Variants in TRPC6 observed in about 807,000 individuals in gnomAD.
The protein encoded by TRPC6 is short transient receptor potential channel 6.
A neutral mutation model predicts 90.7 loss-of-function variants in TRPC6; 55 were observed. The observed-to-expected ratio is 0.61, with a 90% CI of 0.49 to 0.76. The LOEUF (loss-of-function observed/expected upper bound fraction) is 0.76, where lower values mean the gene tolerates loss of function less well. Ranked by LOEUF, TRPC6 falls within the 30% of genes least tolerant of loss-of-function variation. The pLI is 0.00. For synonymous variants in TRPC6, 393 were observed against 393.0 expected, an observed-to-expected ratio of 1.00 and a Z score of 0.00; for missense variants, 989 against 1,122.7, an observed-to-expected ratio of 0.88 and a Z score of 1.70.
chr11:101,534,356 G>T (rs957142272), intron 1 of TRPC6, among the ~76,000 whole-genome samples: 1 of 152,044 alleles, frequency 6.6e-6, no homozygotes, highest in African/African-American at 2.4e-5. Flanking sequence ...GGCTGGTCTC[G>T]AACTCCTGAC....
rs1377005408 is a variant in TRPC6, at chr11:101,482,833, T to C, written c.1510+116A>G. ...GGAACACAAAGAAAATTATGATGTG[T>C]GGTGCACTGTATCATGCTGCATACA... On this transcript the variant is annotated intron_variant, in intron 5 of 12. Transcript: ENST00000344327. 8 of 1,073,472 alleles carry C rather than the reference T, an allele frequency of 7.5e-6. No homozygotes were observed. The East Asian group carries it at 1.9e-4, about 26-fold the overall frequency. The allele number at this position is 1,073,472 out of a possible 1,614,324, so 66.5% of individuals were successfully genotyped here.
intron 1 of TRPC6, among the ~76,000 whole-genome samples, chr11:101,540,087 T>A (rs1195086671): frequency 6.6e-6 from 1 of 152,190 alleles, no homozygotes; most frequent in Non-Finnish European, 1.5e-5. Flanking sequence ...TATTCAAAAG[T>A]TCTTTAGCTT....
At chr11:101,491,505 A>T in intron 3 of TRPC6, 51 bp downstream of exon 3, 1 of 1,597,296 alleles carries the variant, frequency 6.3e-7, no homozygotes, top group Non-Finnish European at 8.6e-7. Context: ...ATCCTTATTT[A>T]GCACCAACAA....
chr11:101,535,175 A>AAAGG (rs199866910), intron 1 of TRPC6, among the ~76,000 whole-genome samples: 2,096 of 129,438 alleles, frequency 0.016, 49 homozygotes, highest in East Asian at 0.044. Flanking sequence ...GAAAGAAAAG[A>AAAGG]AAGGAAGGAA....
chr11:101,483,010 C>T lies in TRPC6; in HGVS notation c.1449G>A (p.Leu483=). ...AGAAGCAGGATGTTTTCATCCTGAA[C>T]AGCTGTTTTGCATTATCTGTGCTGG... ...NETSTDNAKQ[L]FRMKTSCFSW... Residue 483 remains leucine (L), a synonymous_variant, in exon 5 of 13, where the codon CTG becomes CTA. Coordinates refer to ENST00000344327, the MANE Select transcript of TRPC6 (RefSeq NM_004621.6). The T allele has an allele frequency of 1.2e-6, 2 of 1,614,038 alleles. No individual in the cohort carries two copies. The highest frequency in any genetic ancestry group is 1.7e-6 in the Non-Finnish European group (2 of 1,179,928).
chr11:101,490,239 A>G lies in TRPC6; in HGVS notation c.1129-1138T>C, dbSNP rs560800979. On this transcript the variant is annotated intron_variant, in intron 3 of 12. Transcript: ENST00000344327. ...ATTATGTGAATATAATGAAGTAACA[A>G]TGCAACCTTTAAAAAGATAAAGTGG... 7.2e-5 allele frequency among the ~76,000 whole-genome samples: 11 copies of G among 152,330 alleles called. No homozygotes were observed. In the South Asian group the frequency reaches 2.3e-3, roughly 32 times the overall value.
chr11:101,541,326 C>T (rs1395814693), intron 1 of TRPC6, among the ~76,000 whole-genome samples: 1 of 152,082 alleles, frequency 6.6e-6, no homozygotes, highest in Non-Finnish European at 1.5e-5. Context: ...AGTTATGATG[C>T]TTTAAACAAA....
chr11:101,507,982 T>C (rs1038293965), intron 1 of TRPC6, among the ~76,000 whole-genome samples: 1 of 152,054 alleles, frequency 6.6e-6, no homozygotes, highest in African/African-American at 2.4e-5. Context: ...TTATGTTCAA[T>C]ATTATTTATT....
At position 101,583,380 on chromosome 11, in the gene TRPC6, C is replaced by T. The variant is rs759107251; in HGVS notation, c.124G>A (p.Gly42Ser). 9 of 1,593,346 alleles carry T rather than the reference C, an allele frequency of 5.6e-6. No individual in the cohort carries two copies. The highest frequency in any genetic ancestry group is 1.3e-5 in the African/African-American group (1 of 74,356). ...LLMDSELGED[G>S]CPQAPLPCYG... The stretch of plus-strand genomic sequence containing the variant: ...CAAGGCAGCGGGGCTTGCGGGCAGC[C>T]GTCTTCTCCCAGCTCCGAGTCCATG... The change falls in exon 1 of 13, where the codon GGC (glycine) becomes AGC (serine). Residue 42 changes from glycine to serine, a missense_variant. Gly to Ser is a moderately conservative substitution (Grantham distance 56). This residue lies in a region of TRPC6 where 194 missense variants were observed against 136.5 expected (regional missense o/e 1.42). Transcript: ENST00000344327.
intron 1 of TRPC6, among the ~76,000 whole-genome samples, chr11:101,536,417 A>T (rs112490409): frequency 0.016 from 2,368 of 151,204 alleles, 27 homozygotes; most frequent in African/African-American, 0.054. Context: ...ACCAAAAAAA[A>T]AGAAAGAAAA....
chr11:101,518,870 G>C (rs1860582482), intron 1 of TRPC6, among the ~76,000 whole-genome samples: 1 of 152,200 alleles, frequency 6.6e-6, no homozygotes, highest in Non-Finnish European at 1.5e-5. Flanking sequence ...AAAAAAGAAT[G>C]AGATCCAGGC....
chr11:101,559,047 C>T (rs149651562), intron 1 of TRPC6, among the ~76,000 whole-genome samples: 1 of 152,040 alleles, frequency 6.6e-6, no homozygotes, highest in East Asian at 1.9e-4. Context: ...AAAGCTTCTG[C>T]ACAGCAAAAG....
chr11:101,513,803 AG>A (rs1189249188), intron 1 of TRPC6, among the ~76,000 whole-genome samples: 2 of 152,136 alleles, frequency 1.3e-5, no homozygotes, highest in African/African-American at 4.8e-5. Flanking sequence ...TCTTATGTGG[AG>A]GGGGAGAACA....
chr11:101,533,011 G>C (rs1430756205), intron 1 of TRPC6, among the ~76,000 whole-genome samples: 1 of 152,122 alleles, frequency 6.6e-6, no homozygotes, highest in African/African-American at 2.4e-5. Context: ...ACATTCAACA[G>C]TGCCATGGTG....
At position 101,452,620 on chromosome 11, in the gene TRPC6, T is replaced by A. The variant is rs2136634196; in HGVS notation, c.*335A>T. The A allele has an allele frequency of 3.9e-6, 1 of 259,404 alleles. No individual in the cohort carries two copies. The highest frequency in any genetic ancestry group is 4.9e-5 in the Admixed American group (1 of 20,234). 16.1% of individuals were successfully genotyped at this position (259,404 alleles called of 1,614,324 possible). On this transcript the variant is annotated 3_prime_UTR_variant, in exon 13 of 13. Coordinates refer to ENST00000344327, the MANE Select transcript of TRPC6 (RefSeq NM_004621.6). The stretch of plus-strand genomic sequence containing the variant: ...AGGAAAAACCGCATGGGGAGTAACG[T>A]GGGTCAGCCCCTGTCCGCTGGGACC...
intron 1 of TRPC6, among the ~76,000 whole-genome samples, chr11:101,530,984 T>C (rs1350851230): frequency 6.6e-6 from 1 of 152,128 alleles, no homozygotes; most frequent in African/African-American, 2.4e-5. Flanking sequence ...GGGTACAAAC[T>C]TTCAGTTTGG....
At chr11:101,481,080 A>C (rs1018522478) in intron 5 of TRPC6, among the ~76,000 whole-genome samples, 15 of 152,226 alleles carry the variant, frequency 9.9e-5, no homozygotes, top group African/African-American at 3.6e-4. Flanking sequence ...TACTGAATTA[A>C]ATTTAAAATA....
At chr11:101,547,588 A>G (rs939485328) in intron 1 of TRPC6, among the ~76,000 whole-genome samples, 1 of 152,172 alleles carries the variant, frequency 6.6e-6, no homozygotes, top group Admixed American at 6.6e-5. Context: ...ATATCAATTG[A>G]GATCATCGAT....
At position 101,557,840 on chromosome 11, in the gene TRPC6, T is replaced by A. The variant is rs574827258; in HGVS notation, c.170+25494A>T. On this transcript the variant is annotated intron_variant, in intron 1 of 12. Coordinates refer to ENST00000344327, the MANE Select transcript of TRPC6 (RefSeq NM_004621.6). ...TGACTGTCTTCTACAAGGAAAACTA[T>A]AAAATGTTGATAAAACAAATTGAGG... 1.6e-4 allele frequency among the ~76,000 whole-genome samples: 24 copies of A among 152,252 alleles called. 1 individual carries two copies. The highest frequency in any genetic ancestry group is 8.3e-4 in the South Asian group (4 of 4,828).
Sources: allele counts gnomAD v4.1 joint callset (sites outside exome capture counted in the v4.1 genomes callset), GRCh38; gene constraint gnomAD v4.1.1; regional missense constraint gnomAD v4.1.1; transcripts MANE v1.5; gene names NCBI Gene and HGNC (gene_info 2026-07-23, HGNC 2026-07-21).